The following IGFL2 variants were observed in gnomAD, a reference collection of about 807,000 sequenced individuals.
The protein encoded by IGFL2 is IGF like family member 2.
Under a neutral mutation model 13.9 loss-of-function variants are expected in IGFL2, and 7 were observed. The ratio of observed to expected loss-of-function variants is 0.51; its 90% confidence interval spans 0.29 to 0.95. IGFL2 has a LOEUF of 0.95. Among genes scored for constraint, IGFL2 ranks in the 40% least tolerant of loss-of-function variants. The pLI, the probability that IGFL2 is intolerant of heterozygous loss-of-function variation, is 0.08. For missense variants in IGFL2, 138 were observed against 147.8 expected (o/e 0.93, Z 0.34); for synonymous variants, 55 against 55.8 (o/e 0.99, Z 0.07).
the IGFL2 span, among the ~76,000 whole-genome samples, chr19:46,201,129 C>A: frequency 1.3e-5 from 2 of 152,314 alleles, no homozygotes; most frequent in South Asian, 4.2e-4. Flanking sequence ...TGTCCCCTCT[C>A]CACAAGGGAG....
At chr19:46,079,230 T>G in the IGFL2 span, among the ~76,000 whole-genome samples, 1 of 152,242 alleles carries the variant, frequency 6.6e-6, no homozygotes, top group Non-Finnish European at 1.5e-5. Context: ...GTTTCGGGCG[T>G]TCTGGACAAT....
the IGFL2 span, chr19:46,120,473 G>A: frequency 1.4e-6 from 2 of 1,424,502 alleles, no homozygotes; most frequent in Non-Finnish European, 1.9e-6. Context: ...TGCTACACCA[G>A]ATGTGTAGAT....
chr19:46,145,598 ATATGTGTGTGTG>A (rs71175259), upstream of IGFL2, among the ~76,000 whole-genome samples: 48,937 of 138,342 alleles, frequency 0.35, 9,904 homozygotes, highest in Middle Eastern at 0.5. Flanking sequence ...ACACTCATAT[ATATGTGTGTGTG>A]TGTGTGTGTG....
the IGFL2 span, chr19:46,137,280 G>C: frequency 8.5e-7 from 1 of 1,182,458 alleles, no homozygotes. Flanking sequence ...ATGTCAGGAT[G>C]CGTACACCAC....
the IGFL2 span, among the ~76,000 whole-genome samples, chr19:46,201,003 A>G: frequency 6.6e-6 from 1 of 152,206 alleles, no homozygotes; most frequent in Non-Finnish European, 1.5e-5. Flanking sequence ...GACATACTCA[A>G]GCAGTTATAC....
chr19:46,207,950 C>T, the IGFL2 span: 3 of 152,224 alleles, frequency 2.0e-5, no homozygotes, highest in African/African-American at 7.2e-5. Context: ...TGGCAAAGGT[C>T]ACCACTGCGC....
At chr19:46,140,139 G>A (rs528895625), upstream of IGFL2, among the ~76,000 whole-genome samples, 5 of 151,862 alleles carry the variant, frequency 3.3e-5, no homozygotes, top group Non-Finnish European at 7.4e-5. Flanking sequence ...TGGTAGAGAC[G>A]GGGTTTCACC....
chr19:46,095,583 G>A, the IGFL2 span, among the ~76,000 whole-genome samples: 1 of 152,122 alleles, frequency 6.6e-6, no homozygotes, highest in Non-Finnish European at 1.5e-5. Context: ...TGGTGTTTTG[G>A]TCATGAAATC....
chr19:46,081,521 G>T, the IGFL2 span, among the ~76,000 whole-genome samples: 1 of 152,120 alleles, frequency 6.6e-6, no homozygotes, highest in Non-Finnish European at 1.5e-5. Context: ...ATTCGTTATT[G>T]TGTTTCCTTA....
chr19:46,168,862 T>C, the IGFL2 span, among the ~76,000 whole-genome samples: 120 of 31,618 alleles, frequency 3.8e-3, no homozygotes, highest in Non-Finnish European at 2.2e-3. Flanking sequence ...CCTGTTTTTT[T>C]CTGTACTTAT....
At chr19:46,209,555 T>A in the IGFL2 span, 1 of 128,048 alleles carries the variant, frequency 7.8e-6, no homozygotes, top group Admixed American at 7.3e-5. Flanking sequence ...AGTTTATTAA[T>A]CCTTTCACTG....
the IGFL2 span, among the ~76,000 whole-genome samples, chr19:46,182,165 G>A: frequency 9.2e-5 from 14 of 152,056 alleles, no homozygotes; most frequent in South Asian, 2.1e-3. Context: ...TCAGGAGTTC[G>A]AGATGAGCCT....
the IGFL2 span, among the ~76,000 whole-genome samples, chr19:46,178,052 G>A: frequency 6.6e-6 from 1 of 152,128 alleles, no homozygotes; most frequent in African/African-American, 2.4e-5. Context: ...GCCGAGGCGG[G>A]TGGATCATGA....
At chr19:46,090,515 C>T in the IGFL2 span, among the ~76,000 whole-genome samples, 1,641 of 152,264 alleles carry the variant, frequency 0.011, 30 homozygotes, top group African/African-American at 0.037. Flanking sequence ...CTGGGAACGC[C>T]CTTCAACAAT....
At chr19:46,114,651 G>T in the IGFL2 span, among the ~76,000 whole-genome samples, 2 of 152,092 alleles carry the variant, frequency 1.3e-5, no homozygotes, top group Non-Finnish European at 2.9e-5. Context: ...AGATCTGATG[G>T]TTAAAAAGTG....
the IGFL2 span, chr19:46,213,513 G>T: frequency 6.4e-6 from 1 of 156,462 alleles, no homozygotes. Context: ...ATTCCCAACC[G>T]AACCCATCTC....
chr19:46,137,235 T>A, the IGFL2 span: 1 of 1,460,234 alleles, frequency 6.8e-7, no homozygotes, highest in South Asian at 1.1e-5. Flanking sequence ...CAGGTAATTG[T>A]GAACTGATTT....
the IGFL2 span, among the ~76,000 whole-genome samples, chr19:46,133,273 G>A: frequency 6.6e-6 from 1 of 152,304 alleles, no homozygotes; most frequent in South Asian, 2.1e-4. Flanking sequence ...AGCAAGGCTA[G>A]TTTACTTTCT....
At chr19:46,178,203 G>C in the IGFL2 span, among the ~76,000 whole-genome samples, 2 of 152,248 alleles carry the variant, frequency 1.3e-5, no homozygotes, top group Admixed American at 1.3e-4. Context: ...CTTGAACCCA[G>C]GAGGCGGAGG....
Sources: allele counts gnomAD v4.1 joint callset (sites outside exome capture counted in the v4.1 genomes callset), GRCh38; gene constraint gnomAD v4.1.1; transcripts MANE v1.5; gene names NCBI Gene and HGNC (gene_info 2026-07-23, HGNC 2026-07-21).